KIRREL3: variants seen among roughly 807,000 people sequenced by gnomAD.
KIRREL3 encodes the protein kin of IRRE-like protein 3.
A neutral mutation model predicts 89.7 loss-of-function variants in KIRREL3; 36 were observed. That is an observed-to-expected ratio of 0.40 (90% CI 0.31 to 0.53). KIRREL3 has a LOEUF of 0.53. Among genes scored for constraint, KIRREL3 ranks in the 20% least tolerant of loss-of-function variants. The pLI is 0.49. For synonymous variants in KIRREL3, 445 were observed against 441.4 expected, an observed-to-expected ratio of 1.01 and a Z score of -0.10; for missense variants, 864 against 1,056.6, an observed-to-expected ratio of 0.82 and a Z score of 2.53.
chr11:126,522,698 C>T lies in KIRREL3; in HGVS notation c.284-1234G>A, dbSNP rs1591674055. Among the ~76,000 whole-genome samples the T allele has an allele frequency of 6.6e-6, 1 of 152,232 alleles. No individual in the cohort carries two copies. The highest frequency in any genetic ancestry group is 2.4e-5 in the African/African-American group (1 of 41,462). On this transcript the variant is annotated intron_variant, in intron 3 of 16. Transcript: ENST00000525144. The surrounding 1 kb of genome is among the most constrained non-coding windows in gnomAD (Gnocchi z 6.0). The stretch of plus-strand genomic sequence containing the variant: ...TCTCGGGCCCTACACCTCCCTATTT[C>T]TCTTTCCATCCATCTCCTCACTGAG...
intron 1 of KIRREL3, among the ~76,000 whole-genome samples, chr11:126,863,637 G>A (rs1442528943): frequency 3.2e-4 from 2 of 6,170 alleles, no homozygotes; most frequent in South Asian, 0.013. Context: ...TTGAGTGCGT[G>A]TGTGTGTGTT....
Position 126,744,656 on chromosome 11 carries a change from T to TG in KIRREL3, c.56-181745dup. Among the ~76,000 whole-genome samples the TG allele has an allele frequency of 6.6e-6, 1 of 152,238 alleles. No individual in the cohort carries two copies. The highest frequency in any genetic ancestry group is 1.5e-5 in the Non-Finnish European group (1 of 68,034). ...CTTTCCAGGCTAAGCCAGGGCTCCC[T>TG]GGCGTGTGCCCCATGGTGCTGGCAA... On this transcript the variant is annotated intron_variant, in intron 1 of 16. Coordinates refer to ENST00000525144, the MANE Select transcript of KIRREL3 (RefSeq NM_032531.4). The surrounding 1 kb of genome is among the most constrained non-coding windows in gnomAD (Gnocchi z 4.7).
chr11:126,790,290 G>A (rs1164748117), intron 1 of KIRREL3, among the ~76,000 whole-genome samples: 2 of 152,234 alleles, frequency 1.3e-5, no homozygotes, highest in African/African-American at 4.8e-5. Context: ...TCTGTTGGAT[G>A]AATGGATGGA....
Position 126,471,998 on chromosome 11 carries a change from G to A in KIRREL3, c.591+1311C>T, listed in dbSNP as rs1335164950. ...ATGGGCTGGATTTCAGCCCTCCCTG[G>A]CCCCTGAGCCAGGCACCTTGGAGAT... On this transcript the variant is annotated intron_variant, in intron 5 of 16. Coordinates refer to ENST00000525144, the MANE Select transcript of KIRREL3 (RefSeq NM_032531.4). The surrounding 1 kb of genome is among the most constrained non-coding windows in gnomAD (Gnocchi z 5.4). Among the ~76,000 whole-genome samples, 1 of 152,148 alleles carries A rather than the reference G, an allele frequency of 6.6e-6. No homozygotes were observed. The highest frequency in any genetic ancestry group is 1.5e-5 in the Non-Finnish European group (1 of 68,018).
intron 1 of KIRREL3, among the ~76,000 whole-genome samples, chr11:126,662,672 C>T (rs545072387): frequency 6.6e-6 from 1 of 152,308 alleles, no homozygotes; most frequent in South Asian, 2.1e-4. Context: ...TCAATACTGT[C>T]ACGTTGGCAA....
intron 1 of KIRREL3, among the ~76,000 whole-genome samples, chr11:126,881,096 G>C (rs1945476850): frequency 6.6e-6 from 1 of 152,200 alleles, no homozygotes; most frequent in Non-Finnish European, 1.5e-5. Context: ...CTTGATAACA[G>C]GAGTGACAGC....
In KIRREL3 at chr11:126,748,729, CGT is replaced by C. The variant is rs1455776817; in HGVS notation, c.56-185819_56-185818del. 7.2e-5 allele frequency among the ~76,000 whole-genome samples: 11 copies of C among 152,140 alleles called. No homozygotes were observed. Among genetic ancestry groups the C allele is most frequent in the Admixed American group, 5.2e-4 (8 of 15,276 alleles). On this transcript the variant is annotated intron_variant, in intron 1 of 16. Coordinates refer to ENST00000525144, the MANE Select transcript of KIRREL3 (RefSeq NM_032531.4). The surrounding 1 kb of genome is among the most constrained non-coding windows in gnomAD (Gnocchi z 4.6). The stretch of plus-strand genomic sequence containing the variant: ...AACAAATGAGGATTAAACCAGGCCA[CGT>C]GTGCCATCCATCGCTGTGATAAAAG...
chr11:126,675,442 A>G (rs1198205092), intron 1 of KIRREL3, among the ~76,000 whole-genome samples: 1 of 152,222 alleles, frequency 6.6e-6, no homozygotes, highest in East Asian at 1.9e-4. Flanking sequence ...GCATTGGCTT[A>G]CCTCTGCTTT....
At chr11:126,927,794 T>C (rs1947783882) in intron 1 of KIRREL3, among the ~76,000 whole-genome samples, 1 of 152,224 alleles carries the variant, frequency 6.6e-6, no homozygotes, top group African/African-American at 2.4e-5. Context: ...CAAGAGTAGC[T>C]CTTCTTAGAA....
rs529109595 is a variant in KIRREL3, at chr11:126,682,313, C to T, written c.56-119401G>A. On this transcript the variant is annotated intron_variant, in intron 1 of 16. Coordinates refer to ENST00000525144, the MANE Select transcript of KIRREL3 (RefSeq NM_032531.4). The surrounding 1 kb of genome is among the most constrained non-coding windows in gnomAD (Gnocchi z 4.8). ...CTTCCTTCTAGGTTAGAGTGGGTGA[C>T]ACTGAGCATGTAACTTAACCTCTCT... 1.4e-4 allele frequency among the ~76,000 whole-genome samples: 22 copies of T among 152,222 alleles called. No homozygotes were observed. Among genetic ancestry groups the T allele is most frequent in the African/African-American group, 5.1e-4 (21 of 41,534 alleles).
At chr11:126,619,568 G>T (rs1231650003) in intron 1 of KIRREL3, among the ~76,000 whole-genome samples, 1 of 152,208 alleles carries the variant, frequency 6.6e-6, no homozygotes, top group Non-Finnish European at 1.5e-5. Flanking sequence ...GATCAAAGTT[G>T]GTTCTTCAAG....
At chr11:126,984,663 G>A (rs1949808352) in intron 1 of KIRREL3, among the ~76,000 whole-genome samples, 1 of 152,166 alleles carries the variant, frequency 6.6e-6, no homozygotes, top group African/African-American at 2.4e-5. Flanking sequence ...AGACCCTTGT[G>A]CCATAGTTGG....
intron 4 of KIRREL3, among the ~76,000 whole-genome samples, chr11:126,502,357 C>T (rs1392585319): frequency 3.3e-5 from 5 of 152,204 alleles, no homozygotes; most frequent in Admixed American, 2.6e-4. Flanking sequence ...AGCCCCTCCT[C>T]CACTCCTCCT....
intron 1 of KIRREL3, among the ~76,000 whole-genome samples, chr11:126,621,131 GA>G (rs1943558622): frequency 1.3e-5 from 2 of 152,024 alleles, no homozygotes; most frequent in African/African-American, 4.8e-5. Context: ...CATATCAAAG[GA>G]AAAAAGTATT....
intron 1 of KIRREL3, among the ~76,000 whole-genome samples, chr11:126,933,019 A>G (rs1029154100): frequency 6.6e-6 from 1 of 152,200 alleles, no homozygotes; most frequent in African/African-American, 2.4e-5. Flanking sequence ...GCATGTACAC[A>G]AGGCCTTCTT....
At chr11:126,871,322 G>A (rs1945101076) in intron 1 of KIRREL3, among the ~76,000 whole-genome samples, 1 of 152,150 alleles carries the variant, frequency 6.6e-6, no homozygotes, top group African/African-American at 2.4e-5. Context: ...CAAGAAGGAG[G>A]CCCTCAGCAC....
Position 126,463,267 on chromosome 11 carries a change from G to A in KIRREL3, c.632C>T (p.Thr211Ile). Residue 211 changes from threonine to isoleucine, a missense_variant, in exon 6 of 17, where the codon ACC (threonine) becomes ATC (isoleucine). Transcript: ENST00000525144. This position sits in a 1 kb window ranked among gnomAD's most constrained non-coding sequence, Gnocchi z 5.9. ...RDGKRESIVSTLFISPGDVEN... is the reference protein window; with the variant it reads ...RDGKRESIVSILFISPGDVEN... Reference sequence around the variant, plus strand: ...CACGTCACCAGGGGAGATGAAGAGGGTGCTGACGATGCTCTCCCGCTTGCC... The same window carrying A: ...CACGTCACCAGGGGAGATGAAGAGGATGCTGACGATGCTCTCCCGCTTGCC... The A allele has an allele frequency of 6.2e-7, 1 of 1,613,914 alleles. No homozygotes were observed. The highest frequency in any genetic ancestry group is 8.5e-7 in the Non-Finnish European group (1 of 1,179,822).
In KIRREL3 at chr11:126,704,792, GAATTGGTGACAAAAC is replaced by G. The variant is rs1405631202; in HGVS notation, c.56-141895_56-141881del. 1.3e-5 allele frequency among the ~76,000 whole-genome samples: 2 copies of G among 152,162 alleles called. No individual in the cohort carries two copies. The highest frequency in any genetic ancestry group is 3.9e-4 in the East Asian group (2 of 5,190). ...AAGGCTTGATACAGGAACCACATCA[GAATTGGTGACAAAAC>G]AAGCTGGGGGGCTCCTAAAGGAAGA... On this transcript the variant is annotated intron_variant, in intron 1 of 16. Transcript: ENST00000525144. The surrounding 1 kb of genome is among the most constrained non-coding windows in gnomAD (Gnocchi z 4.2).
rs776233134 is a variant in KIRREL3, at chr11:126,523,288, G to T, written c.284-1824C>A. Among the ~76,000 whole-genome samples, 2 of 152,160 alleles carry T rather than the reference G, an allele frequency of 1.3e-5. No homozygotes were observed. The highest frequency in any genetic ancestry group is 1.5e-5 in the Non-Finnish European group (1 of 68,040). On this transcript the variant is annotated intron_variant, in intron 3 of 16. Coordinates refer to ENST00000525144, the MANE Select transcript of KIRREL3 (RefSeq NM_032531.4). The surrounding 1 kb of genome is among the most constrained non-coding windows in gnomAD (Gnocchi z 4.9). ...CCGGGTGAAAGATCAGACTAGAGGA[G>T]CTTGAAGGCCCCTCTCACCACCATA...
Sources: gnomAD v4.1 joint callset for allele counts (sites outside exome capture counted in the v4.1 genomes callset) on GRCh38, gnomAD v4.1.1 for gene constraint, Gnocchi (gnomAD v3.1) non-coding constraint, MANE v1.5 for transcripts, NCBI Gene and HGNC (gene_info 2026-07-23, HGNC 2026-07-21) for gene names.